LRRTM4: variants seen among roughly 807,000 people sequenced by gnomAD.
The protein encoded by LRRTM4 is leucine rich repeat transmembrane neuronal 4, also known as leucine-rich repeat transmembrane neuronal protein 4.
In LRRTM4, 25 loss-of-function variants were observed where a neutral mutation model predicts 47.6. That is an observed-to-expected ratio of 0.53 (90% CI 0.38 to 0.73). LRRTM4 has a LOEUF of 0.73. LRRTM4 is among the 30% of genes least tolerant of loss of function. The probability of loss-of-function intolerance (pLI) is 0.00; values close to 1 mark genes in which losing one functional copy is unlikely to be tolerated. For synonymous variants in LRRTM4, 311 were observed against 269.5 expected, an observed-to-expected ratio of 1.15 and a Z score of -1.51; for missense variants, 638 against 713.4, an observed-to-expected ratio of 0.89 and a Z score of 1.20.
intron 3 of LRRTM4, among the ~76,000 whole-genome samples, chr2:76,794,076 G>A (rs896785203): frequency 1.3e-5 from 2 of 152,132 alleles, no homozygotes; most frequent in African/African-American, 2.4e-5. Flanking sequence ...TTGTAAAAGC[G>A]GTTGTCAGTC....
At chr2:77,071,412 T>G (rs1332641665) in intron 3 of LRRTM4, among the ~76,000 whole-genome samples, 2 of 152,144 alleles carry the variant, frequency 1.3e-5, no homozygotes, top group Non-Finnish European at 2.9e-5. Context: ...AATTGAAAAT[T>G]TATGAGTGAT....
intron 3 of LRRTM4, among the ~76,000 whole-genome samples, chr2:77,376,781 T>A (rs1327903388): frequency 6.6e-6 from 1 of 151,848 alleles, no homozygotes; most frequent in Non-Finnish European, 1.5e-5. Context: ...TCTGAGGTAA[T>A]ATATGTGAAG....
At chr2:76,962,831 G>T (rs972322816) in intron 3 of LRRTM4, among the ~76,000 whole-genome samples, 1 of 150,640 alleles carries the variant, frequency 6.6e-6, no homozygotes, top group Non-Finnish European at 1.5e-5. Flanking sequence ...AATGCTATTT[G>T]CACATTTCCA....
chr2:76,925,143 A>T (rs1306519876), intron 3 of LRRTM4, among the ~76,000 whole-genome samples: 2 of 152,186 alleles, frequency 1.3e-5, no homozygotes, highest in Non-Finnish European at 2.9e-5. Context: ...TTTTGTTAAT[A>T]GGCAGATTAT....
intron 3 of LRRTM4, among the ~76,000 whole-genome samples, chr2:76,774,838 A>G (rs1387553881): frequency 6.6e-6 from 1 of 152,240 alleles, no homozygotes; most frequent in East Asian, 1.9e-4. Context: ...TACTTGTATC[A>G]TAGGAGTGTT....
At chr2:77,293,245 C>A (rs141096206) in intron 3 of LRRTM4, among the ~76,000 whole-genome samples, 1 of 152,128 alleles carries the variant, frequency 6.6e-6, no homozygotes, top group Non-Finnish European at 1.5e-5. Flanking sequence ...TGACTATAAC[C>A]AAAAGTAGTA....
intron 3 of LRRTM4, among the ~76,000 whole-genome samples, chr2:77,021,094 G>GTATC (rs923212807): frequency 7.4e-6 from 1 of 135,476 alleles, no homozygotes; most frequent in African/African-American, 2.8e-5. Context: ...AAACTTCTCT[G>GTATC]TATCTATCTA....
At chr2:77,161,845 G>C (rs1175350026) in intron 3 of LRRTM4, among the ~76,000 whole-genome samples, 4 of 152,042 alleles carry the variant, frequency 2.6e-5, no homozygotes, top group Non-Finnish European at 5.9e-5. Flanking sequence ...TAAAACTCTA[G>C]TATTTTGAGG....
intron 3 of LRRTM4, among the ~76,000 whole-genome samples, chr2:76,951,988 G>C (rs374204318): frequency 2.0e-5 from 3 of 151,806 alleles, no homozygotes; most frequent in Non-Finnish European, 2.9e-5. Context: ...ATAGTATTCC[G>C]TGGTGTATAT....
chr2:76,962,565 A>T (rs553335546), intron 3 of LRRTM4, among the ~76,000 whole-genome samples: 2 of 150,950 alleles, frequency 1.3e-5, no homozygotes, highest in South Asian at 4.2e-4. Context: ...TTTGTGGTGA[A>T]GTGACTTTTA....
At chr2:77,170,478 C>T (rs191448252) in intron 3 of LRRTM4, among the ~76,000 whole-genome samples, 1 of 152,210 alleles carries the variant, frequency 6.6e-6, no homozygotes, top group East Asian at 1.9e-4. Context: ...GCTGGTGACA[C>T]CTTGATTGTA....
At chr2:76,776,669 G>A (rs1168259914) in intron 3 of LRRTM4, among the ~76,000 whole-genome samples, 4 of 110,408 alleles carry the variant, frequency 3.6e-5, no homozygotes, top group African/African-American at 1.1e-4. Context: ...CCCTTTGTCA[G>A]ATGAGTAGGT....
At chr2:76,984,977 TCA>T (rs1415544050) in intron 3 of LRRTM4, among the ~76,000 whole-genome samples, 4 of 151,988 alleles carry the variant, frequency 2.6e-5, no homozygotes, top group African/African-American at 9.7e-5. Flanking sequence ...TTGGGGAAAA[TCA>T]GAGGATAGAA....
chr2:77,212,105 A>C (rs1484397292), intron 3 of LRRTM4, among the ~76,000 whole-genome samples: 2 of 151,982 alleles, frequency 1.3e-5, no homozygotes, highest in African/African-American at 4.8e-5. Flanking sequence ...GGGATGTGGG[A>C]GACTACTTAA....
At chr2:77,322,584 A>T (rs1186206401) in intron 3 of LRRTM4, among the ~76,000 whole-genome samples, 2 of 152,064 alleles carry the variant, frequency 1.3e-5, no homozygotes, top group East Asian at 3.9e-4. Context: ...TGATAAAAAC[A>T]AGAGTTTGGA....
In LRRTM4 at chr2:76,937,797, A is replaced by T. The variant is rs1025564788; in HGVS notation, c.1552-188881T>A. Among the ~76,000 whole-genome samples, 4 of 151,904 alleles carry T rather than the reference A, an allele frequency of 2.6e-5. No homozygotes were observed. In the South Asian group the frequency reaches 6.2e-4, roughly 24 times the overall value. On this transcript the variant is annotated intron_variant, in intron 3 of 3. Coordinates refer to ENST00000409884, the MANE Select transcript of LRRTM4 (RefSeq NM_001134745.3). ...TTGCTAGGATGGTCTCGATCTCGTG[A>T]TCTCGTGATCCGCCCACCTCAGGCT...
At chr2:76,782,722 AT>A (rs1219314018) in intron 3 of LRRTM4, among the ~76,000 whole-genome samples, 2 of 152,108 alleles carry the variant, frequency 1.3e-5, no homozygotes, top group African/African-American at 4.8e-5. Context: ...ATCGTCACAA[AT>A]CTCCAATTTT....
At chr2:77,213,215 T>A (rs759162821) in intron 3 of LRRTM4, among the ~76,000 whole-genome samples, 2 of 152,114 alleles carry the variant, frequency 1.3e-5, no homozygotes, top group Non-Finnish European at 2.9e-5. Context: ...CATCAGCATG[T>A]CAGCTGTAAA....
chr2:77,318,174 T>G (rs1221536028), intron 3 of LRRTM4, among the ~76,000 whole-genome samples: 3 of 151,760 alleles, frequency 2.0e-5, no homozygotes, highest in African/African-American at 7.3e-5. Flanking sequence ...GCCCCGCTAA[T>G]TTTTTGTATT....
Sources: allele counts gnomAD v4.1 joint callset (sites outside exome capture counted in the v4.1 genomes callset), GRCh38; gene constraint gnomAD v4.1.1; transcripts MANE v1.5; gene names NCBI Gene and HGNC (gene_info 2026-07-23, HGNC 2026-07-21).